YIPF3: variants seen among roughly 807,000 people sequenced by gnomAD.
YIPF3 encodes Yip1 domain family member 3.
A neutral mutation model predicts 40.3 loss-of-function variants in YIPF3; 18 were observed. That is an observed-to-expected ratio of 0.45 (90% CI 0.31 to 0.66). The LOEUF is 0.66. Among genes scored for constraint, YIPF3 ranks in the 30% least tolerant of loss-of-function variants. YIPF3 has a pLI of 0.07. For missense variants in YIPF3, 406 were observed against 452.2 expected (o/e 0.90, Z 0.93); for synonymous variants, 190 against 179.6 (o/e 1.06, Z -0.46).
chr6:43,512,328 TG>T lies in YIPF3; in HGVS notation c.905-14del. ...GTGTCCAGGATCCCTGGAAGGAAGA[TG>T]GAAGGTGAGCGAGGATCAGATGGGC... On this transcript the variant is annotated splice_polypyrimidine_tract_variant and intron_variant, in intron 8 of 8. Transcript: ENST00000372422. 6.2e-7 allele frequency: 1 copy of T among 1,610,984 alleles called. No individual in the cohort carries two copies. The highest frequency in any genetic ancestry group is 8.5e-7 in the Non-Finnish European group (1 of 1,178,216).
rs1329248847 is a variant in YIPF3 at position 43,516,011 on chromosome 6, G to A, written c.166C>T (p.Arg56Cys). 3.7e-6 allele frequency: 6 copies of A among 1,614,238 alleles called. No individual in the cohort carries two copies. In the South Asian group the frequency reaches 4.4e-5, roughly 12 times the overall value. ...GCGTCTACTTCTTCCTCGCGCAGGC[G>A]CTGATGCAGCTCACCCATATCCTCG... ...SFEDMGELHQ[R>C]LREEEVDADA... The change falls in exon 2 of 9, where the codon CGC becomes TGC. Residue 56 changes from arginine to cysteine, a missense_variant. Arg to Cys is a radical substitution (Grantham distance 180, BLOSUM62 -3). Coordinates refer to ENST00000372422, the MANE Select transcript of YIPF3 (RefSeq NM_015388.4).
At chr6:43,513,307 G>A in intron 5 of YIPF3, 52 bp downstream of exon 5, 1 of 1,613,400 alleles carries the variant, frequency 6.2e-7, no homozygotes, top group Non-Finnish European at 8.5e-7. Context: ...GTATCCTCAG[G>A]CAGCTTTCAA....
Position 43,513,141 on chromosome 6 carries a change from G to A in YIPF3, c.594C>T (p.Val198=). ...IGTCFGYWLG[V]SSFIYFLAYL... is the part of the protein sequence containing the mutation. Reference sequence around the variant, plus strand: ...AGGCAAGGAAGTAAATGAAGGATGAGACTCCCAGCCAGTAGCCGAAGCAGG... The same window carrying A: ...AGGCAAGGAAGTAAATGAAGGATGAAACTCCCAGCCAGTAGCCGAAGCAGG... The change falls in exon 6 of 9, where the codon GTC becomes GTT. Residue 198 remains valine, a synonymous_variant. Transcript: ENST00000372422. 1 of 1,614,176 alleles carries A rather than the reference G, an allele frequency of 6.2e-7. No homozygotes were observed. Among genetic ancestry groups the A allele is most frequent in the South Asian group, 1.1e-5 (1 of 91,090 alleles).
At chr6:43,513,954 C>T (rs1792722337) in intron 3 of YIPF3, 2 of 238,112 alleles carry the variant, frequency 8.4e-6, no homozygotes, top group South Asian at 2.7e-4. Context: ...CTTGAAAAGA[C>T]AGGCAGGCTG....
intron 2 of YIPF3, 77 bp downstream of exon 2, chr6:43,515,812 A>G (rs1792803794): frequency 6.3e-7 from 1 of 1,595,838 alleles, no homozygotes; most frequent in Non-Finnish European, 8.6e-7. Context: ...TGGGGCGAAC[A>G]TCACCAACAC....
At chr6:43,513,017 G>A in intron 6 of YIPF3, 52 bp downstream of exon 6, 6 of 1,608,678 alleles carry the variant, frequency 3.7e-6, no homozygotes, top group Non-Finnish European at 5.1e-6. Flanking sequence ...GCCGACCAAG[G>A]CCTGGCTACT....
At position 43,516,777 on chromosome 6, in the gene YIPF3, C is replaced by T. The variant is rs771890445; in HGVS notation, c.31G>A (p.Ala11Thr). 2 of 1,567,696 alleles carry T rather than the reference C, an allele frequency of 1.3e-6. No homozygotes were observed. Among genetic ancestry groups the T allele is most frequent in the African/African-American group, 1.4e-5 (1 of 73,236 alleles). Residue 11 changes from alanine (A) to threonine (T), a missense_variant, in exon 1 of 9, where the codon GCC becomes ACC. Coordinates refer to ENST00000372422, the MANE Select transcript of YIPF3 (RefSeq NM_015388.4). MATTAAPAGGARNGAGPEWGG... is the reference protein window; with the variant it reads MATTAAPAGGTRNGAGPEWGG... ...CATTCCGGGCCAGCTCCATTTCGGGCGCCGCCCGCCGGCGCCGCTGTAGTT... is the reference window on the plus strand; with the variant it reads ...CATTCCGGGCCAGCTCCATTTCGGGTGCCGCCCGCCGGCGCCGCTGTAGTT...
chr6:43,512,365 A>G (rs2231771), intron 8 of YIPF3, 50 bp from the exon 9 acceptor site: 13 of 1,613,766 alleles, frequency 8.1e-6, no homozygotes, highest in Non-Finnish European at 2.5e-6. Flanking sequence ...CCAGCCCACC[A>G]GCCATCATAT....
At position 43,511,884 on chromosome 6, in the gene YIPF3, T is replaced by G. The variant is rs888246322; in HGVS notation, c.*283A>C. On this transcript the variant is annotated 3_prime_UTR_variant, in exon 9 of 9. Coordinates refer to ENST00000372422, the MANE Select transcript of YIPF3 (RefSeq NM_015388.4). ...ACCAAGTCTATATTTAGCAAGACAA[T>G]GTGGGAGAGATAAAGAGGAAGGAAG... is the stretch of plus-strand genomic sequence containing the variant. 4.4e-6 allele frequency: 2 copies of G among 452,126 alleles called. No individual in the cohort carries two copies. The highest frequency in any genetic ancestry group is 3.9e-6 in the Non-Finnish European group (1 of 253,246). The allele number at this position is 452,126 out of a possible 1,614,324, so 28.0% of individuals were successfully genotyped here. A position where few individuals can be genotyped will look rare whatever the true frequency, so the allele number is the denominator to read the frequency against.
rs111367115 is a variant in YIPF3 at position 43,512,079 on chromosome 6, C to A, written c.*88G>T. 1.3e-6 allele frequency: 2 copies of A among 1,568,418 alleles called. No homozygotes were observed. Among genetic ancestry groups the A allele is most frequent in the South Asian group, 2.4e-5 (2 of 84,616 alleles). On this transcript the variant is annotated 3_prime_UTR_variant, in exon 9 of 9. Coordinates refer to ENST00000372422, the MANE Select transcript of YIPF3 (RefSeq NM_015388.4). ...CAGTGGCAGCTGCAAACCCCATCTACGAAACATGTCATCAGGACTGTCCTT... is the reference window on the plus strand; with the variant it reads ...CAGTGGCAGCTGCAAACCCCATCTAAGAAACATGTCATCAGGACTGTCCTT...
At chr6:43,516,685 C>T (rs1582176620) in intron 1 of YIPF3, 42 bp downstream of exon 1, 3 of 1,606,370 alleles carry the variant, frequency 1.9e-6, no homozygotes, top group East Asian at 2.2e-5. Flanking sequence ...TGGACATCGC[C>T]GGCCCTCCGG....
At chr6:43,515,246 C>T (rs569528451) in intron 3 of YIPF3, 22 of 464,698 alleles carry the variant, frequency 4.7e-5, no homozygotes, top group African/African-American at 3.6e-4. Flanking sequence ...CCCGCCTCGG[C>T]CTCCCAAAGT....
intron 1 of YIPF3, 130 bp from the exon 2 acceptor site, chr6:43,516,225 C>A: frequency 6.7e-7 from 1 of 1,489,710 alleles, no homozygotes; most frequent in Non-Finnish European, 8.9e-7. Context: ...ACAGATCATG[C>A]CACTCCATTC....
At chr6:43,512,339 C>T (rs766947146) in intron 8 of YIPF3, 24 bp from the exon 9 acceptor site, 29 of 1,611,004 alleles carry the variant, frequency 1.8e-5, no homozygotes, top group Middle Eastern at 1.6e-4. Context: ...GGAAGGTGAG[C>T]GAGGATCAGA....
At position 43,511,932 on chromosome 6, in the gene YIPF3, A is replaced by C. The variant is rs1275425551; in HGVS notation, c.*235T>G. Reference sequence around the variant, plus strand: ...AAGGGGTAGGTGGGGAGGGGTTCTCAAAGGAGCTGACCCATTTTCTGCATT... The same window carrying C: ...AAGGGGTAGGTGGGGAGGGGTTCTCCAAGGAGCTGACCCATTTTCTGCATT... On this transcript the variant is annotated 3_prime_UTR_variant, in exon 9 of 9. Coordinates refer to ENST00000372422, the MANE Select transcript of YIPF3 (RefSeq NM_015388.4). The C allele has an allele frequency of 8.7e-6, 5 of 571,750 alleles. No individual in the cohort carries two copies. Among genetic ancestry groups the C allele is most frequent in the African/African-American group, 7.7e-5 (4 of 51,678 alleles). The allele number at this position is 571,750 out of a possible 1,614,324, so 35.4% of individuals were successfully genotyped here. A position where few individuals can be genotyped will look rare whatever the true frequency, so the allele number is the denominator to read the frequency against.
Position 43,512,540 on chromosome 6 carries a change from G to T in YIPF3, c.804C>A (p.Thr268=), listed in dbSNP as rs764311176. ...GGAGCAGCCGCTGTGTGGGGCCCAC[G>T]GTCCGAGACACCAACACTGCTACCT... ...LRMVAVLVSR[T]VGPTQRLLLC... is the part of the protein sequence containing the mutation. Residue 268 remains threonine (T), a synonymous_variant, in exon 8 of 9, where the codon ACC becomes ACA. Coordinates refer to ENST00000372422, the MANE Select transcript of YIPF3 (RefSeq NM_015388.4). 2 of 1,611,986 alleles carry T rather than the reference G, an allele frequency of 1.2e-6. No individual in the cohort carries two copies. Among genetic ancestry groups the T allele is most frequent in the Non-Finnish European group, 8.5e-7 (1 of 1,179,706 alleles).
intron 2 of YIPF3, 34 bp downstream of exon 2, chr6:43,515,855 C>T (rs371155193): frequency 2.5e-6 from 4 of 1,583,554 alleles, no homozygotes; most frequent in Admixed American, 1.7e-5. Context: ...CCTAGGTCTA[C>T]TTTTCTACCT....
rs773000546 is a variant in YIPF3, at chr6:43,513,389, G to A, written c.504C>T (p.Leu168=). ...MLVFTLVAIL[L]HGMKTSDTII... ...TAGTGTCAGACGTCTTCATCCCATG[G>A]AGTAGGATAGCAACCAGAGTGAAGA... Residue 168 remains leucine, a synonymous_variant, in exon 5 of 9, where the codon CTC becomes CTT. Coordinates refer to ENST00000372422, the MANE Select transcript of YIPF3 (RefSeq NM_015388.4). 1.2e-6 allele frequency: 2 copies of A among 1,614,202 alleles called. No homozygotes were observed. The highest frequency in any genetic ancestry group is 1.7e-5 in the Admixed American group (1 of 60,022).
Position 43,516,888 on chromosome 6 carries a change from A to T in YIPF3, c.-81T>A. ...CAAGATGTGGGCCTCCGGAAGGTAGACGTCCAGGGTCGAGGAGAGGTGGGA... is the reference window on the plus strand; with the variant it reads ...CAAGATGTGGGCCTCCGGAAGGTAGTCGTCCAGGGTCGAGGAGAGGTGGGA... On this transcript the variant is annotated 5_prime_UTR_variant, in exon 1 of 9. Coordinates refer to ENST00000372422, the MANE Select transcript of YIPF3 (RefSeq NM_015388.4). 1 of 1,470,712 alleles carries T rather than the reference A, an allele frequency of 6.8e-7. No individual in the cohort carries two copies. Among genetic ancestry groups the T allele is most frequent in the Non-Finnish European group, 9.3e-7 (1 of 1,074,116 alleles). The allele number at this position is 1,470,712 out of a possible 1,614,324, so 91.1% of individuals were successfully genotyped here. A position where few individuals can be genotyped will look rare whatever the true frequency, so the allele number is the denominator to read the frequency against.
Sources: allele counts gnomAD v4.1 joint callset, GRCh38; gene constraint gnomAD v4.1.1; transcripts MANE v1.5; gene names NCBI Gene and HGNC (gene_info 2026-07-23, HGNC 2026-07-21).